Variants in ALG13 observed in about 807,000 individuals in gnomAD.
ALG13 encodes ALG13 UDP-N-acetylglucosaminyltransferase subunit.
A neutral mutation model predicts 87.8 loss-of-function variants in ALG13; 11 were observed. The observed-to-expected ratio is 0.13, with a 90% CI of 0.08 to 0.21. ALG13 has a LOEUF of 0.21. Among genes scored for constraint, ALG13 ranks in the 10% least tolerant of loss-of-function variants. The probability of loss-of-function intolerance (pLI) is 1.00; values close to 1 mark genes in which losing one functional copy is unlikely to be tolerated. For missense variants in ALG13, 756 were observed against 866.1 expected (o/e 0.87, Z 1.60); for synonymous variants, 320 against 306.3 (o/e 1.04, Z -0.47).
intron 24 of ALG13, among the ~76,000 whole-genome samples, chrX:111,747,482 T>G (rs901110434): frequency 2.6e-4 from 29 of 111,908 alleles, no homozygotes; most frequent in African/African-American, 9.4e-4. Flanking sequence ...ATATGCAAGT[T>G]TTTTTGTGGA....
Position 111,723,824 on chromosome X carries a change from T to C in ALG13, c.1527T>C (p.Tyr509=). ...CQVCLESEGR[Y]YNAHIQEVGN... is the part of the protein sequence containing the mutation. ...TTTGCTTGGAATCAGAAGGAAGATATTATAATGCTCATATCCAGGAAGTTG... is the reference window on the plus strand; with the variant it reads ...TTTGCTTGGAATCAGAAGGAAGATACTATAATGCTCATATCCAGGAAGTTG... The change falls in exon 14 of 27, where the codon TAT becomes TAC. Residue 509 remains tyrosine (Y), a synonymous_variant. Transcript: ENST00000394780. 1.7e-6 allele frequency: 2 copies of C among 1,184,129 alleles called. No individual in the cohort carries two copies. The highest frequency in any genetic ancestry group is 1.9e-5 in the South Asian group (1 of 52,351).
At position 111,736,895 on chromosome X, in the gene ALG13, A is replaced by C. The variant is rs1172441010; in HGVS notation, c.2695+16A>C. ...GGCAGGCCAGGTAGGTTATTAGCAG[A>C]TGCTTACTTTGGAAGCCTCTTTTCC... On this transcript the variant is annotated intron_variant, in intron 23 of 26. Transcript: ENST00000394780. The C allele has an allele frequency of 1.4e-5, 16 of 1,181,692 alleles. No homozygotes were observed. Among genetic ancestry groups the C allele is most frequent in the Middle Eastern group, 4.7e-4 (2 of 4,264 alleles).
intron 22 of ALG13, among the ~76,000 whole-genome samples, chrX:111,735,992 C>T (rs896665143): frequency 1.8e-5 from 2 of 111,320 alleles, no homozygotes. Flanking sequence ...ATGCAAGGCA[C>T]CTTTTCTCTT....
At chrX:111,686,104 G>C in intron 3 of ALG13, 1 of 1,014,972 alleles carries the variant, frequency 9.9e-7, no homozygotes, top group Non-Finnish European at 1.3e-6. Flanking sequence ...GTAATAGAAG[G>C]ATGAAGAAAA....
At chrX:111,733,974 T>G (rs1942985032) in intron 21 of ALG13, among the ~76,000 whole-genome samples, 1 of 112,305 alleles carries the variant, frequency 8.9e-6, no homozygotes, top group African/African-American at 3.2e-5. Flanking sequence ...TGTCTATTCA[T>G]GTCCTTAGCT....
intron 23 of ALG13, among the ~76,000 whole-genome samples, 194 bp from the exon 24 acceptor site, chrX:111,744,474 A>T (rs1346339626): frequency 1.8e-5 from 2 of 111,221 alleles, no homozygotes; most frequent in Middle Eastern, 4.7e-3. Context: ...AATCAAAATG[A>T]CCTGTTATGA....
At chrX:111,731,153 T>G (rs759433217) in intron 21 of ALG13, among the ~76,000 whole-genome samples, 14 of 112,160 alleles carry the variant, frequency 1.2e-4, no homozygotes, top group Non-Finnish European at 2.3e-4. Flanking sequence ...GGCAGAATAC[T>G]TGTTTCTGTC....
chrX:111,725,874 A>G (rs975486918), intron 15 of ALG13, among the ~76,000 whole-genome samples: 1 of 112,624 alleles, frequency 8.9e-6, no homozygotes, highest in Non-Finnish European at 1.9e-5. Flanking sequence ...GCAGCCAGGG[A>G]TATTAACAGG....
intron 3 of ALG13, among the ~76,000 whole-genome samples, chrX:111,702,298 T>C (rs1418955343): frequency 2.7e-5 from 3 of 111,795 alleles, no homozygotes; most frequent in African/African-American, 9.7e-5. Context: ...CTTTTTCTTT[T>C]TTCTCTTCCC....
At chrX:111,690,472 A>G in intron 3 of ALG13, 1 of 611,652 alleles carries the variant, frequency 1.6e-6, no homozygotes, top group African/African-American at 2.4e-5. Flanking sequence ...GGGAGGAAAG[A>G]AAGCTCAAAG....
At chrX:111,722,756 G>A in intron 12 of ALG13, 37 bp from the exon 13 acceptor site, 1 of 1,016,590 alleles carries the variant, frequency 9.8e-7, no homozygotes, top group East Asian at 3.1e-5. Context: ...AAAGGAACCA[G>A]TTTAGTTGAG....
chrX:111,733,305 C>T (rs756898966), intron 21 of ALG13, among the ~76,000 whole-genome samples: 14 of 110,638 alleles, frequency 1.3e-4, no homozygotes, highest in Non-Finnish European at 2.5e-4. Context: ...CCATTTCCCC[C>T]GAGTCCCCAA....
At chrX:111,753,672 A>G (rs1427000255) in intron 25 of ALG13, among the ~76,000 whole-genome samples, 4 of 112,208 alleles carry the variant, frequency 3.6e-5, no homozygotes, top group Admixed American at 9.5e-5. Flanking sequence ...TAGAAAATCT[A>G]GAAGAAATGG....
chrX:111,743,749 T>A (rs1346897623), intron 23 of ALG13: 1 of 111,887 alleles, frequency 8.9e-6, no homozygotes, highest in Non-Finnish European at 1.9e-5. Context: ...GCTAAAACTC[T>A]GACTTTAAAC....
chrX:111,690,665 G>A (rs986728707), intron 3 of ALG13, among the ~76,000 whole-genome samples: 4 of 109,089 alleles, frequency 3.7e-5, no homozygotes, highest in African/African-American at 1.3e-4. Flanking sequence ...TGTTGCCCAG[G>A]CTGGTCGTGA....
At chrX:111,759,698 G>A (rs751144836) in intron 26 of ALG13, 36 bp from the exon 27 acceptor site, 5 of 1,130,714 alleles carry the variant, frequency 4.4e-6, no homozygotes, top group East Asian at 3.1e-5. Context: ...GTGAATTTTT[G>A]TATATAAAGT....
At chrX:111,709,122 C>A in intron 5 of ALG13, 74 bp downstream of exon 5, 1 of 551,058 alleles carries the variant, frequency 1.8e-6, no homozygotes, top group Non-Finnish European at 2.8e-6. Flanking sequence ...GAGCACCTAC[C>A]AAAATTAAAC....
At chrX:111,709,910 T>C (rs1032503353) in intron 5 of ALG13, among the ~76,000 whole-genome samples, 1 of 111,801 alleles carries the variant, frequency 8.9e-6, no homozygotes, top group Non-Finnish European at 1.9e-5. Flanking sequence ...TTACTTCAAA[T>C]GCAAGGCCAT....
intron 21 of ALG13, 71 bp downstream of exon 21, chrX:111,730,651 A>T: frequency 2.5e-6 from 2 of 800,637 alleles, no homozygotes; most frequent in Non-Finnish European, 1.8e-6. Flanking sequence ...AGCTATACAT[A>T]TAAATGTATT....
Sources: allele counts gnomAD v4.1 joint callset (sites outside exome capture counted in the v4.1 genomes callset), GRCh38; gene constraint gnomAD v4.1.1; transcripts MANE v1.5; gene names NCBI Gene and HGNC (gene_info 2026-07-23, HGNC 2026-07-21).